Variants in CASP8 observed in about 807,000 individuals in gnomAD.
CASP8 encodes the protein caspase-8.
A neutral mutation model predicts 46.3 loss-of-function variants in CASP8; 24 were observed. The ratio of observed to expected loss-of-function variants is 0.52; its 90% CI spans 0.38 to 0.73. The LOEUF (loss-of-function observed/expected upper bound fraction) is 0.73, where lower values mean the gene tolerates loss of function less well. CASP8 is among the 30% of genes least tolerant of loss of function. The pLI, the probability that CASP8 is intolerant of heterozygous loss-of-function variation, is 0.00. For missense variants in CASP8, 460 were observed against 559.0 expected (o/e 0.82, Z 1.79); for synonymous variants, 188 against 200.4 (o/e 0.94, Z 0.52).
upstream of CASP8, chr2:201,258,070 C>T (rs1017902563): frequency 1.1e-5 from 8 of 750,630 alleles, no homozygotes; most frequent in African/African-American, 1.2e-4. Flanking sequence ...GTAAAGTTTA[C>T]CCTGCAGTTC....
chr2:201,275,753 TTTA>T (rs2125303916), intron 6 of CASP8, among the ~76,000 whole-genome samples: 1 of 152,338 alleles, frequency 6.6e-6, no homozygotes, highest in Non-Finnish European at 1.5e-5. Context: ...TTTTTAATGT[TTTA>T]TTGAGACAGG....
At chr2:201,245,642 AG>A (rs947272578) in intron 2 of CASP8, among the ~76,000 whole-genome samples, 3 of 152,138 alleles carry the variant, frequency 2.0e-5, no homozygotes, top group Non-Finnish European at 4.4e-5. Context: ...TCATAGACCC[AG>A]GGGACCACCA....
At chr2:201,243,556 T>C (rs897836668) in intron 2 of CASP8, among the ~76,000 whole-genome samples, 10 of 152,180 alleles carry the variant, frequency 6.6e-5, no homozygotes, top group African/African-American at 2.2e-4. Context: ...CTTTCTGATT[T>C]TTGTCAAATA....
chr2:201,258,560 C>T (rs1947153729), upstream of CASP8, among the ~76,000 whole-genome samples: 1 of 152,158 alleles, frequency 6.6e-6, no homozygotes. Context: ...TGAGCCGTTG[C>T]CTCTGACTTT....
chr2:201,271,003 C>A (rs569216384), intron 2 of CASP8, among the ~76,000 whole-genome samples: 1 of 152,098 alleles, frequency 6.6e-6, no homozygotes, highest in African/African-American at 2.4e-5. Flanking sequence ...GAGGGCAGGG[C>A]AGCTGGGTGT....
intron 7 of CASP8, among the ~76,000 whole-genome samples, chr2:201,283,696 C>T (rs1193786040): frequency 1.1e-5 from 1 of 92,642 alleles, no homozygotes; most frequent in Admixed American, 8.8e-5. Context: ...GACCACCCCC[C>T]CCCGCCTCCC....
At position 201,285,114 on chromosome 2, in the gene CASP8, A is replaced by G. The variant is rs1446610314; in HGVS notation, c.1101A>G (p.Lys367=). Residue 367 remains lysine (K), a synonymous_variant, in exon 8 of 9, where the codon AAA becomes AAG. Coordinates refer to ENST00000673742, the MANE Select transcript of CASP8 (RefSeq NM_001372051.1). ...CTTGTCAGGGGGATAACTACCAGAA[A>G]GGTATACCTGTTGAGACTGATTCAG... The part of the protein sequence containing the change: ...IQACQGDNYQ[K]GIPVETDSEE... The G allele has an allele frequency of 6.2e-7, 1 of 1,614,196 alleles. No individual in the cohort carries two copies. The highest frequency in any genetic ancestry group is 8.5e-7 in the Non-Finnish European group (1 of 1,180,026).
At chr2:201,248,242 T>G (rs893398539) in intron 2 of CASP8, among the ~76,000 whole-genome samples, 4 of 152,206 alleles carry the variant, frequency 2.6e-5, no homozygotes, top group Non-Finnish European at 5.9e-5. Flanking sequence ...AAGAAAATCC[T>G]GAGGAACCAC....
intron 2 of CASP8, among the ~76,000 whole-genome samples, chr2:201,247,188 CTCAAAAAAA>C: frequency 6.4e-5 from 4 of 62,242 alleles, no homozygotes; most frequent in Non-Finnish European, 1.1e-4. Flanking sequence ...GACTGTCTGT[CTCAAAAAAA>C]AAAAAAAAAA....
chr2:201,258,611 C>T (rs1220066452), upstream of CASP8, among the ~76,000 whole-genome samples: 1 of 152,210 alleles, frequency 6.6e-6, no homozygotes, highest in Non-Finnish European at 1.5e-5. Flanking sequence ...TCCTCTGCTA[C>T]CTTTTTGTCC....
chr2:201,233,997 C>T (rs925989992), intron 1 of CASP8: 1 of 152,354 alleles, frequency 6.6e-6, no homozygotes, highest in Non-Finnish European at 1.5e-5. Context: ...TACTCACCGT[C>T]ATCTCTCCTT....
At chr2:201,252,777 C>A (rs1285322117) in intron 2 of CASP8, among the ~76,000 whole-genome samples, 1 of 152,118 alleles carries the variant, frequency 6.6e-6, no homozygotes, top group Non-Finnish European at 1.5e-5. Context: ...TCTAGATCTA[C>A]TGAGAATACG....
intron 2 of CASP8, among the ~76,000 whole-genome samples, chr2:201,254,505 G>T (rs1380813896): frequency 1.3e-5 from 2 of 152,166 alleles, no homozygotes; most frequent in African/African-American, 2.4e-5. Context: ...GAGCGGCCCC[G>T]TTGAATCCAC....
intron 8 of CASP8, among the ~76,000 whole-genome samples, 174 bp downstream of exon 8, chr2:201,285,491 T>C (rs1023496892): frequency 6.6e-6 from 1 of 152,232 alleles, no homozygotes; most frequent in Non-Finnish European, 1.5e-5. Flanking sequence ...TCTAAATGTC[T>C]AGCTGTAGAT....
At chr2:201,276,718 G>C (rs2125315816) in intron 6 of CASP8, 109 bp from the exon 7 acceptor site, 2 of 1,392,378 alleles carry the variant, frequency 1.4e-6, no homozygotes, top group Admixed American at 1.8e-5. Flanking sequence ...ACGACCCCGA[G>C]TTGGGGTGGT....
chr2:201,258,791 G>A (rs550367068), upstream of CASP8, among the ~76,000 whole-genome samples: 2 of 152,110 alleles, frequency 1.3e-5, no homozygotes, highest in South Asian at 2.1e-4. Flanking sequence ...ATGCCCTGAG[G>A]TGCACAGCCC....
intron 2 of CASP8, among the ~76,000 whole-genome samples, chr2:201,267,383 T>C (rs1048746238): frequency 1.3e-5 from 2 of 152,090 alleles, no homozygotes; most frequent in Admixed American, 1.3e-4. Flanking sequence ...ACTTAAAGAC[T>C]CGAATGACTA....
intron 2 of CASP8, among the ~76,000 whole-genome samples, chr2:201,236,392 T>C (rs1946047042): frequency 6.6e-6 from 1 of 152,172 alleles, no homozygotes; most frequent in Non-Finnish European, 1.5e-5. Flanking sequence ...TTTCCAGACA[T>C]GTTTCTGTTG....
rs1422231516 is a variant in CASP8 at position 201,272,792 on chromosome 2, C to A, written c.550+16C>A. On this transcript the variant is annotated intron_variant, in intron 4 of 8. Coordinates refer to ENST00000673742, the MANE Select transcript of CASP8 (RefSeq NM_001372051.1). The surrounding 1 kb of genome is among the most constrained non-coding windows in gnomAD (Gnocchi z 4.4). ...TTCAGCAAAGGTAGAAACAACCTGA[C>A]AGCCGGGAATCGGCAAAACCTACTC... 2 of 1,614,186 alleles carry A rather than the reference C, an allele frequency of 1.2e-6. No homozygotes were observed. Among genetic ancestry groups the A allele is most frequent in the African/African-American group, 1.3e-5 (1 of 75,050 alleles).
Sources: gnomAD v4.1 joint callset for allele counts (sites outside exome capture counted in the v4.1 genomes callset) on GRCh38, gnomAD v4.1.1 for gene constraint, Gnocchi (gnomAD v3.1) non-coding constraint, MANE v1.5 for transcripts, NCBI Gene and HGNC (gene_info 2026-07-23, HGNC 2026-07-21) for gene names.